The following ANKRD11 variants were observed in gnomAD, a reference collection of about 807,000 sequenced individuals.
The protein encoded by ANKRD11 is ankyrin repeat domain-containing protein 11.
A neutral mutation model predicts 195.7 loss-of-function variants in ANKRD11; 17 were observed. That is an observed-to-expected ratio of 0.09 (90% CI 0.06 to 0.13). ANKRD11 has a LOEUF of 0.13. Ranked by LOEUF, ANKRD11 falls within the 10% of genes least tolerant of loss-of-function variation. The pLI is 1.00. For synonymous variants in ANKRD11, 1,953 were observed against 1,528.1 expected (o/e 1.28, Z -6.49); for missense variants, 3,735 against 3,566.1 (o/e 1.05, Z -1.21).
rs147434505 is a variant in ANKRD11, at chr16:89,274,845, G to A, written c.7682C>T (p.Ser2561Phe). ...CTCCAGGGGCATGTTGTAGACCTCG[G>A]AGTCCAGCAGCATCGTGCAGGCGCT... is the stretch of plus-strand genomic sequence containing the variant. ...PFSACTMLLD[S>F]EVYNMPLESQ... is the part of the protein sequence containing the mutation. Residue 2561 changes from serine to phenylalanine, a missense_variant, in exon 11 of 13, where the codon TCC becomes TTC. Transcript: ENST00000301030. 6.2e-7 allele frequency: 1 copy of A among 1,612,364 alleles called. No homozygotes were observed. Among genetic ancestry groups the A allele is most frequent in the African/African-American group, 1.3e-5 (1 of 74,914 alleles).
chr16:89,348,613 C>T (rs2039053946), intron 2 of ANKRD11, among the ~76,000 whole-genome samples: 1 of 152,168 alleles, frequency 6.6e-6, no homozygotes, highest in Non-Finnish European at 1.5e-5. Flanking sequence ...ACTAAAATTT[C>T]AATTTCTTTA....
chr16:89,307,018 G>A (rs116044754), intron 3 of ANKRD11, among the ~76,000 whole-genome samples: 273 of 150,698 alleles, frequency 1.8e-3, no homozygotes, highest in African/African-American at 6.4e-3. Flanking sequence ...GTGGGGAGGG[G>A]GCAGTGTGAC....
chr16:89,373,271 C>T (rs925533463), intron 2 of ANKRD11: 21 of 152,208 alleles, frequency 1.4e-4, no homozygotes, highest in Admixed American at 1.1e-3. Context: ...CAAAATTATC[C>T]CCAGATAAGT....
intron 2 of ANKRD11, among the ~76,000 whole-genome samples, chr16:89,318,026 C>T (rs1306223876): frequency 6.6e-6 from 1 of 152,230 alleles, no homozygotes; most frequent in Non-Finnish European, 1.5e-5. Context: ...GAACTATTTG[C>T]TCTGCCCCGT....
In ANKRD11 at chr16:89,438,948, T is replaced by C. The variant is rs535745968; in HGVS notation, c.-144-20580A>G. Among the ~76,000 whole-genome samples the C allele has an allele frequency of 4.4e-4, 67 of 151,684 alleles. 1 individual carries two copies. The highest frequency in any genetic ancestry group is 1.3e-3 in the African/African-American group (54 of 41,350). ...GCTTGAGCCAATGAGTTCGTGATCA[T>C]ACCACTGCACTCCAGCCTGAACGAC... On this transcript the variant is annotated intron_variant, in intron 1 of 12. Transcript: ENST00000301030.
intron 2 of ANKRD11, among the ~76,000 whole-genome samples, chr16:89,341,401 T>A (rs2038651774): frequency 6.6e-6 from 1 of 152,192 alleles, no homozygotes; most frequent in Non-Finnish European, 1.5e-5. Context: ...GTTGGAGGGA[T>A]AAGGCCCCAA....
intron 12 of ANKRD11, 87 bp from the exon 13 acceptor site, chr16:89,268,750 G>C (rs2032856672): frequency 6.7e-7 from 1 of 1,482,058 alleles, no homozygotes; most frequent in South Asian, 1.2e-5. Context: ...GCAGGGCCAA[G>C]GGCGTGATAC....
In ANKRD11 at chr16:89,456,538, G is replaced by A. The variant is rs1423969262; in HGVS notation, c.-145+33707C>T. ...AGGCTGGGTGACAGAGCAAGACTCC[G>A]TTTCAAAAAAAAAAAAAAAAGATGG... is the stretch of plus-strand genomic sequence containing the variant. On this transcript the variant is annotated intron_variant, in intron 1 of 12. Coordinates refer to ENST00000301030, the MANE Select transcript of ANKRD11 (RefSeq NM_013275.6). Among the ~76,000 whole-genome samples the A allele has an allele frequency of 1.3e-4, 19 of 141,792 alleles. No homozygotes were observed. In the East Asian group the frequency reaches 1.4e-3, roughly 11 times the overall value. 93.0% of individuals were successfully genotyped at this position (141,792 alleles called of 152,430 possible).
In ANKRD11 at chr16:89,344,067, G is replaced by C. The variant is rs1037822495; in HGVS notation, c.-59-26989C>G. ...CGGCCCCGCCCCTCCTGCTCCCAGCGGAAGCTTTTGGTGCAGGACTTCCCG... is the reference window on the plus strand; with the variant it reads ...CGGCCCCGCCCCTCCTGCTCCCAGCCGAAGCTTTTGGTGCAGGACTTCCCG... On this transcript the variant is annotated intron_variant, in intron 2 of 12. Coordinates refer to ENST00000301030, the MANE Select transcript of ANKRD11 (RefSeq NM_013275.6). Among the ~76,000 whole-genome samples the C allele has an allele frequency of 2.6e-5, 4 of 152,230 alleles. No individual in the cohort carries two copies. The South Asian group carries it at 6.2e-4, about 24-fold the overall frequency.
chr16:89,453,889 T>C (rs2056309936), intron 1 of ANKRD11, among the ~76,000 whole-genome samples: 1 of 152,140 alleles, frequency 6.6e-6, no homozygotes, highest in Non-Finnish European at 1.5e-5. Context: ...CACTCCCAAC[T>C]TCTAACTTCC....
intron 2 of ANKRD11, among the ~76,000 whole-genome samples, chr16:89,376,359 C>T (rs2040423302): frequency 6.6e-6 from 1 of 152,196 alleles, no homozygotes; most frequent in African/African-American, 2.4e-5. Flanking sequence ...GCAGCTTCTG[C>T]CAACCAAGAG....
At chr16:89,479,821 T>C (rs913981329) in intron 1 of ANKRD11, among the ~76,000 whole-genome samples, 1 of 151,034 alleles carries the variant, frequency 6.6e-6, no homozygotes, top group Non-Finnish European at 1.5e-5. Context: ...CAGGTGCCTG[T>C]AGTCCCAACC....
intron 1 of ANKRD11, among the ~76,000 whole-genome samples, chr16:89,477,866 G>C (rs924870396): frequency 2.0e-5 from 3 of 151,940 alleles, no homozygotes; most frequent in Non-Finnish European, 4.4e-5. Context: ...TTGAATGCAG[G>C]AGAACTGCTT....
intron 2 of ANKRD11, among the ~76,000 whole-genome samples, chr16:89,382,075 G>C (rs1365159895): frequency 6.6e-6 from 1 of 152,164 alleles, no homozygotes; most frequent in Non-Finnish European, 1.5e-5. Context: ...CAGTGAATGG[G>C]GCCCAGGCAG....
At chr16:89,457,784 T>A (rs2056502404) in intron 1 of ANKRD11, among the ~76,000 whole-genome samples, 1 of 152,048 alleles carries the variant, frequency 6.6e-6, no homozygotes, top group African/African-American at 2.4e-5. Context: ...GTCAAACTCA[T>A]CCTACTGTAC....
chr16:89,432,490 G>A (rs1463545962), intron 1 of ANKRD11, among the ~76,000 whole-genome samples: 1 of 152,092 alleles, frequency 6.6e-6, no homozygotes, highest in African/African-American at 2.4e-5. Context: ...TCCAGTTTAG[G>A]AGGGTCCCTC....
intron 2 of ANKRD11, among the ~76,000 whole-genome samples, chr16:89,382,485 C>T (rs1296001003): frequency 6.6e-6 from 1 of 151,182 alleles, no homozygotes; most frequent in African/African-American, 2.4e-5. Flanking sequence ...GCCACCAAGC[C>T]TGGCTAATTT....
Position 89,281,265 on chromosome 16 carries a change from G to A in ANKRD11, c.5277C>T (p.Ser1759=). The A allele has an allele frequency of 6.2e-7, 1 of 1,614,248 alleles. No individual in the cohort carries two copies. Among genetic ancestry groups the A allele is most frequent in the East Asian group, 2.2e-5 (1 of 44,886 alleles). The change falls in exon 9 of 13, where the codon TCC becomes TCT. Residue 1759 remains serine (S), a synonymous_variant. Transcript: ENST00000301030. This position sits in a 1 kb window ranked among gnomAD's most constrained non-coding sequence, Gnocchi z 5.5. ...PTAPTSACSP[S]FFDRFSVASS... ...AAGCCACGGAGAACCTGTCGAAAAA[G>A]GAGGGGGAGCAGGCGCTGGTGGGAG...
At chr16:89,398,737 G>T (rs2041571541) in intron 2 of ANKRD11, among the ~76,000 whole-genome samples, 1 of 151,774 alleles carries the variant, frequency 6.6e-6, no homozygotes, top group South Asian at 2.1e-4. Context: ...GAGAGAGATT[G>T]TGTGTCCAAA....
Sources: gnomAD v4.1 joint callset for allele counts (sites outside exome capture counted in the v4.1 genomes callset) on GRCh38, gnomAD v4.1.1 for gene constraint, Gnocchi (gnomAD v3.1) non-coding constraint, MANE v1.5 for transcripts, NCBI Gene and HGNC (gene_info 2026-07-23, HGNC 2026-07-21) for gene names.